PCDHGB5: variants seen among roughly 807,000 people sequenced by gnomAD.
PCDHGB5 encodes protocadherin gamma subfamily B, 5.
Under a neutral mutation model 62.9 loss-of-function variants are expected in PCDHGB5, and 48 were observed. The observed-to-expected ratio is 0.76, with a 90% CI of 0.61 to 0.97. PCDHGB5 has a LOEUF of 0.97. Ranked by LOEUF, PCDHGB5 falls within the 50% of genes least tolerant of loss-of-function variation. PCDHGB5 has a pLI of 0.00. For missense variants in PCDHGB5, 1,118 were observed against 1,198.6 expected (o/e 0.93, Z 0.99); for synonymous variants, 474 against 511.2 (o/e 0.93, Z 0.98).
intron 1 of PCDHGB5, among the ~76,000 whole-genome samples, chr5:141,457,628 C>T (rs1210673176): frequency 6.6e-6 from 1 of 152,244 alleles, no homozygotes; most frequent in Non-Finnish European, 1.5e-5. Context: ...TAATCTTATA[C>T]TTGGCCTGAT....
At position 141,431,178 on chromosome 5, in the gene PCDHGB5, T is replaced by A; in HGVS notation, c.2397+30654T>A. 2 of 1,614,078 alleles carry A rather than the reference T, an allele frequency of 1.2e-6. No individual in the cohort carries two copies. Among genetic ancestry groups the A allele is most frequent in the Non-Finnish European group, 1.7e-6 (2 of 1,180,000 alleles). On this transcript the variant is annotated intron_variant, in intron 1 of 3. Coordinates refer to ENST00000617380, the MANE Select transcript of PCDHGB5 (RefSeq NM_018925.3). This position sits in a 1 kb window ranked among gnomAD's most constrained non-coding sequence, Gnocchi z 4.8. ...TACTTTCGTGAAAGTGAATTAGAAATAAAAATTAGTGAAAATGCAGCCACT... is the reference window on the plus strand; with the variant it reads ...TACTTTCGTGAAAGTGAATTAGAAAAAAAAATTAGTGAAAATGCAGCCACT...
intron 1 of PCDHGB5, 60 bp downstream of exon 1, chr5:141,400,584 A>G (rs745551734): frequency 1.9e-6 from 3 of 1,609,038 alleles, no homozygotes; most frequent in Non-Finnish European, 8.5e-7. Flanking sequence ...TATTTACATG[A>G]AACTATCGTA....
rs1327490895 is a variant in PCDHGB5, at chr5:141,487,672, G to A, written c.2398-7135G>A. The stretch of plus-strand genomic sequence containing the variant: ...AGGGTTATTCTGATCCAGGCATATG[G>A]CTAGGCCATGTCCTAGAGAGTACTG... On this transcript the variant is annotated intron_variant, in intron 1 of 3. Coordinates refer to ENST00000617380, the MANE Select transcript of PCDHGB5 (RefSeq NM_018925.3). This position sits in a 1 kb window ranked among gnomAD's most constrained non-coding sequence, Gnocchi z 5.0. 6.2e-7 allele frequency: 1 copy of A among 1,611,484 alleles called. No individual in the cohort carries two copies. Among genetic ancestry groups the A allele is most frequent in the Non-Finnish European group, 8.5e-7 (1 of 1,178,612 alleles).
At chr5:141,497,741 G>A (rs767561907) in intron 2 of PCDHGB5, among the ~76,000 whole-genome samples, 24 of 152,050 alleles carry the variant, frequency 1.6e-4, no homozygotes, top group Non-Finnish European at 2.6e-4. Context: ...GTTTCGCCAC[G>A]TTGGCCAGGC....
In PCDHGB5 at chr5:141,432,647, C is replaced by T; in HGVS notation, c.2397+32123C>T. On this transcript the variant is annotated intron_variant, in intron 1 of 3. Coordinates refer to ENST00000617380, the MANE Select transcript of PCDHGB5 (RefSeq NM_018925.3). This position sits in a 1 kb window ranked among gnomAD's most constrained non-coding sequence, Gnocchi z 6.0. ...GCACACGGGCGAGGTGCGCACGGCG[C>T]GAGCCCTGCTGGACAGAGACGCGCT... 3 of 1,613,796 alleles carry T rather than the reference C, an allele frequency of 1.9e-6. No homozygotes were observed. Among genetic ancestry groups the T allele is most frequent in the Admixed American group, 1.7e-5 (1 of 60,008 alleles).
chr5:141,499,551 A>T (rs1178321389), intron 2 of PCDHGB5, among the ~76,000 whole-genome samples: 1 of 152,200 alleles, frequency 6.6e-6, no homozygotes, highest in Non-Finnish European at 1.5e-5. Flanking sequence ...AACCTGTATG[A>T]TACCACTATC....
chr5:141,408,833 A>G, intron 1 of PCDHGB5: 1 of 1,613,704 alleles, frequency 6.2e-7, no homozygotes, highest in Non-Finnish European at 8.5e-7. Context: ...TCATAGCTTG[A>G]TATTGACTGC....
chr5:141,427,899 G>A, intron 1 of PCDHGB5: 1 of 1,571,372 alleles, frequency 6.4e-7, no homozygotes, highest in Non-Finnish European at 8.7e-7. Flanking sequence ...GGGCTCGCCC[G>A]CGCTCAGCGC....
intron 1 of PCDHGB5, among the ~76,000 whole-genome samples, chr5:141,492,631 A>G (rs1203365582): frequency 6.6e-6 from 1 of 152,184 alleles, no homozygotes; most frequent in Non-Finnish European, 1.5e-5. Flanking sequence ...GCAGGACTCT[A>G]CGATCCTTGG....
intron 1 of PCDHGB5, among the ~76,000 whole-genome samples, chr5:141,438,119 A>G (rs2097930168): frequency 6.6e-6 from 1 of 152,220 alleles, no homozygotes; most frequent in Non-Finnish European, 1.5e-5. Flanking sequence ...ATGCATTCCT[A>G]AAATATTAAT....
At chr5:141,423,660 G>A (rs765304048) in intron 1 of PCDHGB5, 1 of 1,560,482 alleles carries the variant, frequency 6.4e-7, no homozygotes, top group Admixed American at 1.9e-5. Flanking sequence ...CAAGTAATCA[G>A]GTGAGATTTA....
rs564668507 is a variant in PCDHGB5 at position 141,399,221 on chromosome 5, T to C, written c.1094T>C (p.Ile365Thr). 1 of 1,613,960 alleles carries C rather than the reference T, an allele frequency of 6.2e-7. No homozygotes were observed. Among genetic ancestry groups the C allele is most frequent in the Non-Finnish European group, 8.5e-7 (1 of 1,179,868 alleles). The change falls in exon 1 of 4, where the codon ATC becomes ACC. Residue 365 changes from isoleucine to threonine, a missense_variant. Ile to Thr is a moderately conservative substitution (Grantham distance 89). Coordinates refer to ENST00000617380, the MANE Select transcript of PCDHGB5 (RefSeq NM_018925.3). ...NAVPGTLIAL[I>T]KIHDQDSGEN... ...GTGCCTGGAACACTAATTGCTTTGA[T>C]CAAAATACATGACCAAGATTCTGGG...
Position 141,400,411 on chromosome 5 carries a change from T to G in PCDHGB5, c.2284T>G (p.Phe762Val). 6.2e-7 allele frequency: 1 copy of G among 1,614,062 alleles called. No homozygotes were observed. The highest frequency in any genetic ancestry group is 8.5e-7 in the Non-Finnish European group (1 of 1,179,904). Residue 762 changes from phenylalanine (F) to valine (V), a missense_variant, in exon 1 of 4, where the codon TTC becomes GTC. This residue lies in a region of PCDHGB5 where 1,034 missense variants were observed against 1,029.1 expected (regional missense o/e 1.00). Coordinates refer to ENST00000617380, the MANE Select transcript of PCDHGB5 (RefSeq NM_018925.3). ...ACATACAGGAAAGACGGAGTTTAAT[T>G]TCCTAAAATGTAGTGAGCAATTGAG... Reference protein sequence around the residue: ...VAHTGKTEFNFLKCSEQLSSG... With the variant: ...VAHTGKTEFNVLKCSEQLSSG...
intron 1 of PCDHGB5, chr5:141,427,862 C>T (rs748112227): frequency 2.6e-6 from 4 of 1,556,778 alleles, no homozygotes; most frequent in East Asian, 4.5e-5. Context: ...TGTGCGCCTT[C>T]GAGCTCACGA....
intron 1 of PCDHGB5, among the ~76,000 whole-genome samples, chr5:141,444,942 A>C (rs1272061494): frequency 6.6e-6 from 1 of 152,082 alleles, no homozygotes; most frequent in Non-Finnish European, 1.5e-5. Flanking sequence ...AGGAGGGAGG[A>C]GGATCATCTT....
At chr5:141,470,851 A>G (rs1410012138) in intron 1 of PCDHGB5, among the ~76,000 whole-genome samples, 2 of 151,876 alleles carry the variant, frequency 1.3e-5, no homozygotes, top group Non-Finnish European at 2.9e-5. Context: ...CCATGCTCAG[A>G]TAAGTTTTTT....
chr5:141,492,859 C>T (rs966216924), intron 1 of PCDHGB5, among the ~76,000 whole-genome samples: 1 of 152,232 alleles, frequency 6.6e-6, no homozygotes, highest in Non-Finnish European at 1.5e-5. Flanking sequence ...CTCGAGCGCC[C>T]TGGCTCTCAA....
At chr5:141,475,161 A>G (rs1433985907) in intron 1 of PCDHGB5, among the ~76,000 whole-genome samples, 1 of 152,138 alleles carries the variant, frequency 6.6e-6, no homozygotes, top group Non-Finnish European at 1.5e-5. Context: ...CTTCTTCATT[A>G]GCAGTGCAAC....
At chr5:141,500,244 T>C (rs1426405294) in intron 2 of PCDHGB5, among the ~76,000 whole-genome samples, 1 of 151,640 alleles carries the variant, frequency 6.6e-6, no homozygotes, top group Non-Finnish European at 1.5e-5. Context: ...AGCCTTGCTC[T>C]GTCACCCAGG....
Sources: allele counts gnomAD v4.1 joint callset (sites outside exome capture counted in the v4.1 genomes callset), GRCh38; gene constraint gnomAD v4.1.1; regional missense constraint gnomAD v4.1.1; non-coding constraint Gnocchi (gnomAD v3.1); transcripts MANE v1.5; gene names NCBI Gene and HGNC (gene_info 2026-07-23, HGNC 2026-07-21).